Variants in MAPK8IP3 observed in about 807,000 individuals in gnomAD.
MAPK8IP3 encodes the protein mitogen-activated protein kinase 8 interacting protein 3.
In MAPK8IP3, 49 loss-of-function variants were observed where a neutral mutation model predicts 157.8. The observed-to-expected ratio is 0.31, with a 90% CI of 0.25 to 0.39. The LOEUF (loss-of-function observed/expected upper bound fraction) is 0.39. Among genes scored for constraint, MAPK8IP3 ranks in the 10% least tolerant of loss-of-function variants. MAPK8IP3 has a pLI of 1.00. For missense variants in MAPK8IP3, 1,478 were observed against 1,889.4 expected, an observed-to-expected ratio of 0.78 and a Z score of 4.04; for synonymous variants, 897 against 777.7, an observed-to-expected ratio of 1.15 and a Z score of -2.55.
Position 1,769,478 on chromosome 16 carries a change from G to C in MAPK8IP3, c.*654G>C, listed in dbSNP as rs890289850. The C allele has an allele frequency of 6.5e-6, 1 of 153,792 alleles. No homozygotes were observed. Among genetic ancestry groups the C allele is most frequent in the African/African-American group, 2.4e-5 (1 of 41,456 alleles). 9.5% of individuals were successfully genotyped at this position (153,792 alleles called of 1,614,324 possible). ...CCGGCTCCCTGGGGCAGCTGCTTGA[G>C]AACAGAGACTGCTACCCCATCCTGC... is the stretch of plus-strand genomic sequence containing the variant. On this transcript the variant is annotated 3_prime_UTR_variant, in exon 32 of 32. Coordinates refer to ENST00000610761, the MANE Select transcript of MAPK8IP3 (RefSeq NM_001318852.2).
intron 4 of MAPK8IP3, chr16:1,735,216 CCGTCCGTGTGAG>C (rs2039590654): frequency 6.6e-6 from 1 of 152,298 alleles, no homozygotes; most frequent in African/African-American, 2.4e-5. Context: ...CACATCCTGG[CCGTCCGTGTGAG>C]CGTCCATGTG....
At chr16:1,737,622 GACCATCCA>G (rs2040096504) in intron 4 of MAPK8IP3, among the ~76,000 whole-genome samples, 1 of 93,780 alleles carries the variant, frequency 1.1e-5, no homozygotes, top group African/African-American at 4.3e-5. Flanking sequence ...CCGTGTGTGT[GACCATCCA>G]TGTGAGCATC....
chr16:1,709,013 G>A (rs560327528), intron 1 of MAPK8IP3, among the ~76,000 whole-genome samples: 16 of 152,318 alleles, frequency 1.1e-4, no homozygotes, highest in South Asian at 2.1e-4. Context: ...CGCTGCAGGC[G>A]TGTCTTGTTG....
rs908767495 is a variant in MAPK8IP3 at position 1,724,056 on chromosome 16, C to T, written c.319-501C>T. 6.6e-6 allele frequency among the ~76,000 whole-genome samples: 1 copy of T among 152,120 alleles called. No homozygotes were observed. The highest frequency in any genetic ancestry group is 1.5e-5 in the Non-Finnish European group (1 of 68,018). The stretch of plus-strand genomic sequence containing the variant: ...AAGTAGGCTCAACCTTGTTCTTAGG[C>T]GTGGAGTTGAGGGGAGTCAGATGAC... On this transcript the variant is annotated intron_variant, in intron 1 of 31. Transcript: ENST00000610761. This position sits in a 1 kb window ranked among gnomAD's most constrained non-coding sequence, Gnocchi z 4.1.
chr16:1,714,710 C>T lies in MAPK8IP3; in HGVS notation c.318+8053C>T, dbSNP rs117654395. On this transcript the variant is annotated intron_variant, in intron 1 of 31. Coordinates refer to ENST00000610761, the MANE Select transcript of MAPK8IP3 (RefSeq NM_001318852.2). ...CACAGTCCCAGTGGGCCCTTGCACA[C>T]GTGTGTCTCTATGTCCCTGCCTCGG... Among the ~76,000 whole-genome samples, 384 of 152,202 alleles carry T rather than the reference C, an allele frequency of 2.5e-3. 2 individuals are homozygous for T. The highest frequency in any genetic ancestry group is 0.014 in the Middle Eastern group (4 of 294).
chr16:1,737,328 G>A (rs1254642721), intron 4 of MAPK8IP3, among the ~76,000 whole-genome samples: 1 of 105,258 alleles, frequency 9.5e-6, no homozygotes, highest in African/African-American at 4.1e-5. Flanking sequence ...GTCCGTGTGA[G>A]CATCCGTGTG....
At chr16:1,766,502 C>G in intron 22 of MAPK8IP3, 27 bp from the exon 23 acceptor site, 2 of 1,609,098 alleles carry the variant, frequency 1.2e-6, no homozygotes, top group Non-Finnish European at 1.7e-6. Context: ...TCCGTGGCCC[C>G]CCCTGGAGCC....
rs2040820757 is a variant in MAPK8IP3, at chr16:1,743,866, G to A, written c.747+390G>A. On this transcript the variant is annotated intron_variant, in intron 5 of 31. Transcript: ENST00000610761. The surrounding 1 kb of genome is among the most constrained non-coding windows in gnomAD (Gnocchi z 5.6). ...CCAGCCAGACACATCCTGCCCCTGA[G>A]AGCCACGCCTCTACTCTCGGAGGAA... 1 of 1,085,544 alleles carries A rather than the reference G, an allele frequency of 9.2e-7. No homozygotes were observed. Among genetic ancestry groups the A allele is most frequent in the Non-Finnish European group, 1.1e-6 (1 of 892,354 alleles). 67.2% of individuals were successfully genotyped at this position (1,085,544 alleles called of 1,614,324 possible).
chr16:1,736,684 G>A (rs1243338283), intron 4 of MAPK8IP3, among the ~76,000 whole-genome samples: 4 of 86,436 alleles, frequency 4.6e-5, no homozygotes, highest in South Asian at 5.9e-4. Flanking sequence ...GTGAGCATCC[G>A]TGTGACCGAC....
chr16:1,769,017 G>C lies in MAPK8IP3; in HGVS notation c.*193G>C. ...GATCAGCTGGGAGGAGGAGGGGAGG[G>C]GAACTTCCACCCGAGGGGAAGATGC... is the stretch of plus-strand genomic sequence containing the variant. On this transcript the variant is annotated 3_prime_UTR_variant, in exon 32 of 32. Transcript: ENST00000610761. 7 of 656,238 alleles carry C rather than the reference G, an allele frequency of 1.1e-5. No individual in the cohort carries two copies. Among genetic ancestry groups the C allele is most frequent in the Non-Finnish European group, 1.5e-5 (6 of 387,992 alleles). The allele number at this position is 656,238 out of a possible 1,614,324, so 40.7% of individuals were successfully genotyped here.
chr16:1,747,398 C>T (rs769458093), intron 6 of MAPK8IP3, 123 bp downstream of exon 6: 127 of 1,386,722 alleles, frequency 9.2e-5, no homozygotes, highest in African/African-American at 1.2e-4. Flanking sequence ...CCTCACAGCC[C>T]GGAGGCTGGG....
intron 4 of MAPK8IP3, 69 bp downstream of exon 4, chr16:1,729,647 A>G (rs936565594): frequency 2.1e-6 from 3 of 1,415,866 alleles, no homozygotes; most frequent in Non-Finnish European, 2.9e-6. Flanking sequence ...GACGCGGCAC[A>G]TGCCAGGGTC....
At chr16:1,737,697 T>C (rs1206104521) in intron 4 of MAPK8IP3, among the ~76,000 whole-genome samples, 20 of 74,830 alleles carry the variant, frequency 2.7e-4, no homozygotes, top group African/African-American at 4.0e-4. Flanking sequence ...TGTGTGACCA[T>C]CCATGTGAGC....
rs536292132 is a variant in MAPK8IP3, at chr16:1,722,569, C to G, written c.319-1988C>G. On this transcript the variant is annotated intron_variant, in intron 1 of 31. Transcript: ENST00000610761. Reference sequence around the variant, plus strand: ...ATCTTCTGAGAAACTCTTTTGTCTTCAGAACCCAGCTGAGGCTGGGTGCAG... The same window carrying G: ...ATCTTCTGAGAAACTCTTTTGTCTTGAGAACCCAGCTGAGGCTGGGTGCAG... Among the ~76,000 whole-genome samples, 11 of 152,204 alleles carry G rather than the reference C, an allele frequency of 7.2e-5. No individual in the cohort carries two copies. In the South Asian group the frequency reaches 2.3e-3, roughly 32 times the overall value.
At chr16:1,736,222 GTCCGTGTAAGCA>G (rs2039794544) in intron 4 of MAPK8IP3, among the ~76,000 whole-genome samples, 1 of 106,208 alleles carries the variant, frequency 9.4e-6, no homozygotes. Context: ...CCGTGTGAGC[GTCCGTGTAAGCA>G]TCCGTGTGAG....
chr16:1,721,915 G>C (rs959914570), intron 1 of MAPK8IP3, among the ~76,000 whole-genome samples: 1 of 151,780 alleles, frequency 6.6e-6, no homozygotes, highest in African/African-American at 2.4e-5. Context: ...GACTACAGGC[G>C]CCCGCCACCA....
Position 1,766,564 on chromosome 16 carries a change from GGCCAGA to G in MAPK8IP3, c.2865_2870del (p.Glu956_Pro957del), listed in dbSNP as rs772555166. The G allele has an allele frequency of 6.9e-5, 112 of 1,612,160 alleles. No homozygotes were observed. Among genetic ancestry groups the G allele is most frequent in the Non-Finnish European group, 9.4e-5 (111 of 1,179,878 alleles). ...CCAGAGCCTGACAGCAGCAGCACAC[GGCCAGA>G]GCCAGAGCCCAGCGGGGACCCCACG... On this transcript the variant is annotated inframe_deletion, in exon 23 of 32. Transcript: ENST00000610761.
chr16:1,734,037 C>T (rs1197178240), intron 4 of MAPK8IP3, among the ~76,000 whole-genome samples: 1 of 152,214 alleles, frequency 6.6e-6, no homozygotes, highest in Non-Finnish European at 1.5e-5. Flanking sequence ...CCCTGCACCT[C>T]TGTGGGAGAG....
chr16:1,758,973 C>T lies in MAPK8IP3; in HGVS notation c.1229-5C>T, dbSNP rs768859470. The T allele has an allele frequency of 1.2e-6, 2 of 1,614,206 alleles. No homozygotes were observed. Among genetic ancestry groups the T allele is most frequent in the Non-Finnish European group, 1.7e-6 (2 of 1,180,026 alleles). ...ATCTCCTGTGGGACGGGGACGGCTCCCTAGTGCGCGATGATTTCTTTGGTA... is the reference window on the plus strand; with the variant it reads ...ATCTCCTGTGGGACGGGGACGGCTCTCTAGTGCGCGATGATTTCTTTGGTA... On this transcript the variant is annotated splice_polypyrimidine_tract_variant and splice_region_variant and intron_variant, in intron 9 of 31. Transcript: ENST00000610761.
Sources: gnomAD v4.1 joint callset for allele counts (sites outside exome capture counted in the v4.1 genomes callset) on GRCh38, gnomAD v4.1.1 for gene constraint, Gnocchi (gnomAD v3.1) non-coding constraint, MANE v1.5 for transcripts, NCBI Gene and HGNC (gene_info 2026-07-23, HGNC 2026-07-21) for gene names.